The following GLDN variants were observed in gnomAD, a reference collection of about 807,000 sequenced individuals.
GLDN encodes gliomedin, also known as collomin.
GLDN carries 47 observed loss-of-function variants against 56.5 expected under a neutral mutation model. The observed-to-expected ratio is 0.83, with a 90% confidence interval of 0.66 to 1.06. The LOEUF is 1.06. Among genes scored for constraint, GLDN ranks in the 50% least tolerant of loss-of-function variants. The pLI, the probability that GLDN is intolerant of heterozygous loss-of-function variation, is 0.00. For missense variants in GLDN, 782 were observed against 714.3 expected, an observed-to-expected ratio of 1.09 and a Z score of -1.08; for synonymous variants, 332 against 278.8, an observed-to-expected ratio of 1.19 and a Z score of -1.90.
rs763373136 is a variant in GLDN, at chr15:51,404,650, G to T, written c.1552G>T (p.Ala518Ser). The T allele has an allele frequency of 1.2e-6, 2 of 1,612,388 alleles. No homozygotes were observed. Among genetic ancestry groups the T allele is most frequent in the Non-Finnish European group, 1.7e-6 (2 of 1,178,432 alleles). ...FDLRTSQSVLAMLAYNMRDQH... is the reference protein window; with the variant it reads ...FDLRTSQSVLSMLAYNMRDQH... ...TTTAAGAACTTCCCAGTCTGTTCTTGCCATGTTAGCATACAACATGAGAGA... is the reference window on the plus strand; with the variant it reads ...TTTAAGAACTTCCCAGTCTGTTCTTTCCATGTTAGCATACAACATGAGAGA... Residue 518 changes from alanine (A) to serine (S), a missense_variant, in exon 10 of 10, where the codon GCC becomes TCC. Physicochemically the swap from Ala to Ser is moderately conservative, Grantham distance 99 (BLOSUM62 1). Transcript: ENST00000335449.
chr15:51,368,595 A>C (rs2037453781), intron 1 of GLDN, among the ~76,000 whole-genome samples: 1 of 151,372 alleles, frequency 6.6e-6, no homozygotes, highest in South Asian at 2.1e-4. Flanking sequence ...AAGATATAAA[A>C]ATTAGGTCAA....
chr15:51,358,999 G>A lies in GLDN; in HGVS notation c.363+16952G>A, dbSNP rs117090411. Among the ~76,000 whole-genome samples the A allele has an allele frequency of 1.0e-3, 153 of 152,122 alleles. 3 individuals are homozygous for A. In the East Asian group the frequency reaches 0.027, roughly 27 times the overall value. On this transcript the variant is annotated intron_variant, in intron 1 of 9. Coordinates refer to ENST00000335449, the MANE Select transcript of GLDN (RefSeq NM_181789.4). Reference sequence around the variant, plus strand: ...TAAAAAATGTAATTTACATCCTACCGGGGGTCCTCAAAGCCTACACCCATA... The same window carrying A: ...TAAAAAATGTAATTTACATCCTACCAGGGGTCCTCAAAGCCTACACCCATA...
At chr15:51,348,294 TTTCTG>T (rs1356960056) in intron 1 of GLDN, among the ~76,000 whole-genome samples, 2 of 151,968 alleles carry the variant, frequency 1.3e-5, no homozygotes, top group African/African-American at 4.8e-5. Context: ...ATTTTTTTCT[TTTCTG>T]TTCTGTTCTT....
intron 9 of GLDN, among the ~76,000 whole-genome samples, chr15:51,403,252 G>A (rs2038294476): frequency 6.6e-6 from 1 of 152,164 alleles, no homozygotes; most frequent in Non-Finnish European, 1.5e-5. Flanking sequence ...CAGCTGTGAG[G>A]TGCCAGGACT....
chr15:51,379,508 G>A (rs1473137743), intron 2 of GLDN, among the ~76,000 whole-genome samples: 1 of 152,176 alleles, frequency 6.6e-6, no homozygotes, highest in Non-Finnish European at 1.5e-5. Context: ...TATCAATCAC[G>A]GATCAATGCT....
intron 4 of GLDN, chr15:51,385,279 G>C (rs559245463): frequency 6.6e-6 from 1 of 152,398 alleles, no homozygotes; most frequent in Admixed American, 6.5e-5. Flanking sequence ...GGGGCAGGAG[G>C]GCACCCTGCT....
chr15:51,400,462 A>G lies in GLDN; in HGVS notation c.991A>G (p.Ser331Gly), dbSNP rs1384652074. 6 of 1,614,064 alleles carry G rather than the reference A, an allele frequency of 3.7e-6. No homozygotes were observed. The highest frequency in any genetic ancestry group is 5.1e-6 in the Non-Finnish European group (6 of 1,180,024). Residue 331 changes from serine to glycine, a missense_variant, in exon 8 of 10, where the codon AGT becomes GGT. Physicochemically the swap from Ser to Gly is moderately conservative, Grantham distance 56. Transcript: ENST00000335449. The part of the protein sequence containing the change: ...GTWIRESANK[S>G]DDRIWVTEHF... The stretch of plus-strand genomic sequence containing the variant: ...TTGGATAAGAGAGTCTGCTAACAAG[A>G]GTGATGACCGGATTTGGGTGACAGA...
chr15:51,412,192 G>T (rs766687375), downstream of GLDN, among the ~76,000 whole-genome samples: 2 of 152,120 alleles, frequency 1.3e-5, no homozygotes, highest in African/African-American at 4.8e-5. Context: ...ACCCACTGTC[G>T]CTCAGTTTGT....
At chr15:51,368,544 A>G (rs1054711757) in intron 1 of GLDN, among the ~76,000 whole-genome samples, 5 of 151,516 alleles carry the variant, frequency 3.3e-5, no homozygotes, top group Non-Finnish European at 2.9e-5. Context: ...TAGGAGTCAC[A>G]CCCCAGAATT....
chr15:51,357,856 T>C (rs139944757), intron 1 of GLDN, among the ~76,000 whole-genome samples: 1 of 152,232 alleles, frequency 6.6e-6, no homozygotes, highest in African/African-American at 2.4e-5. Flanking sequence ...GGAGCCTAAG[T>C]TGAGGGAGGT....
rs2141141836 is a variant in GLDN at position 51,405,823 on chromosome 15, T to G, written c.*1069T>G. The G allele has an allele frequency of 6.6e-6, 1 of 152,320 alleles. No individual in the cohort carries two copies. 9.4% of individuals were successfully genotyped at this position (152,320 alleles called of 1,614,324 possible). A position where few individuals can be genotyped will look rare whatever the true frequency, so the allele number is the denominator to read the frequency against. On this transcript the variant is annotated 3_prime_UTR_variant, in exon 10 of 10. Coordinates refer to ENST00000335449, the MANE Select transcript of GLDN (RefSeq NM_181789.4). ...CCAGTCCATTGCCTGTTTTTTTAAA[T>G]AAGGTTTTACTGAGCACAGCCACAC...
rs768631205 is a variant in GLDN, at chr15:51,341,821, C to T, written c.137C>T (p.Ser46Leu). ...FALCQWRGLS[S>L]ALRALEAQRG... is the part of the protein sequence containing the mutation. ...CTGTGCCAGTGGCGCGGGCTGAGCTCGGCGCTGCGGGCTTTGGAGGCGCAG... is the reference window on the plus strand; with the variant it reads ...CTGTGCCAGTGGCGCGGGCTGAGCTTGGCGCTGCGGGCTTTGGAGGCGCAG... The change falls in exon 1 of 10, where the codon TCG becomes TTG. Residue 46 changes from serine (S) to leucine (L), a missense_variant. Ser to Leu is a moderately radical substitution (Grantham distance 145). Transcript: ENST00000335449. 6.6e-7 allele frequency: 1 copy of T among 1,515,138 alleles called. No homozygotes were observed. The highest frequency in any genetic ancestry group is 8.8e-7 in the Non-Finnish European group (1 of 1,140,156). 93.9% of individuals were successfully genotyped at this position (1,515,138 alleles called of 1,614,324 possible). A position where few individuals can be genotyped will look rare whatever the true frequency, so the allele number is the denominator to read the frequency against.
chr15:51,377,574 G>A (rs1046632308), intron 2 of GLDN, 74 bp downstream of exon 2: 10 of 1,070,640 alleles, frequency 9.3e-6, no homozygotes, highest in African/African-American at 3.2e-5. Flanking sequence ...CAGAATGAAC[G>A]CCTAGGGACA....
intron 4 of GLDN, among the ~76,000 whole-genome samples, chr15:51,394,609 T>A (rs1377986021): frequency 6.7e-6 from 1 of 149,990 alleles, no homozygotes; most frequent in East Asian, 2.0e-4. Context: ...CCAGAGTCCA[T>A]CTCAATAAAT....
intron 4 of GLDN, among the ~76,000 whole-genome samples, chr15:51,393,635 T>C (rs77076461): frequency 1.3e-5 from 2 of 152,332 alleles, no homozygotes; most frequent in Non-Finnish European, 2.9e-5. Flanking sequence ...ATCTTGCAAA[T>C]TCTAGCCGTC....
At position 51,397,614 on chromosome 15, in the gene GLDN, C is replaced by T. The variant is rs375769696; in HGVS notation, c.817+16C>T. 4.8e-5 allele frequency: 75 copies of T among 1,557,356 alleles called. 1 individual carries two copies. In the East Asian group the frequency reaches 7.0e-4, roughly 15 times the overall value. On this transcript the variant is annotated intron_variant, in intron 6 of 9. Coordinates refer to ENST00000335449, the MANE Select transcript of GLDN (RefSeq NM_181789.4). ...CAGTGCCCAGGTCACCACCTCTCCC[C>T]TACGGGGCCCACCTCTTCTGTCAAT... is the stretch of plus-strand genomic sequence containing the variant.
At position 51,380,369 on chromosome 15, in the gene GLDN, C is replaced by T. The variant is rs188260924; in HGVS notation, c.415+2869C>T. Among the ~76,000 whole-genome samples the T allele has an allele frequency of 3.9e-5, 6 of 152,316 alleles. No homozygotes were observed. The East Asian group carries it at 9.7e-4, about 25-fold the overall frequency. On this transcript the variant is annotated intron_variant, in intron 2 of 9. Coordinates refer to ENST00000335449, the MANE Select transcript of GLDN (RefSeq NM_181789.4). ...CTATTAGCATGATCATGGATGTCTGCACATATTCCTTGAGGATGTGCTATT... is the reference window on the plus strand; with the variant it reads ...CTATTAGCATGATCATGGATGTCTGTACATATTCCTTGAGGATGTGCTATT...
intron 1 of GLDN, among the ~76,000 whole-genome samples, chr15:51,353,851 C>T (rs2037125551): frequency 6.6e-6 from 1 of 150,832 alleles, no homozygotes; most frequent in South Asian, 2.1e-4. Flanking sequence ...ATCTACTTGA[C>T]ATTCAAGATT....
intron 5 of GLDN, among the ~76,000 whole-genome samples, chr15:51,396,251 G>T (rs1198740920): frequency 3.3e-5 from 5 of 152,200 alleles, no homozygotes; most frequent in African/African-American, 1.2e-4. Context: ...AAAGAACAAA[G>T]CTCTGGGTTG....
Sources: allele counts gnomAD v4.1 joint callset (sites outside exome capture counted in the v4.1 genomes callset), GRCh38; gene constraint gnomAD v4.1.1; transcripts MANE v1.5; gene names NCBI Gene and HGNC (gene_info 2026-07-23, HGNC 2026-07-21).